Variants in TENT4B observed in about 807,000 individuals in gnomAD.
TENT4B encodes the protein PAP associated domain containing 5.
Under a neutral mutation model 75.0 loss-of-function variants are expected in TENT4B, and 10 were observed. The observed-to-expected ratio is 0.13, with a 90% CI of 0.08 to 0.23. The LOEUF is 0.23. TENT4B is among the 10% of genes least tolerant of loss of function. The pLI is 1.00. For synonymous variants in TENT4B, 350 were observed against 357.7 expected (o/e 0.98, Z 0.24); for missense variants, 579 against 893.8 (o/e 0.65, Z 4.49).
chr16:50,197,922 T>G (rs908374511), intron 1 of TENT4B, among the ~76,000 whole-genome samples: 21 of 152,126 alleles, frequency 1.4e-4, no homozygotes, highest in South Asian at 8.3e-4. Flanking sequence ...AAACTTAAAA[T>G]ATGTAAGGAG....
In TENT4B at chr16:50,231,416, C is replaced by G; in HGVS notation, c.*2088C>G. The G allele has an allele frequency of 1.0e-6, 1 of 984,442 alleles. No homozygotes were observed. The allele number at this position is 984,442 out of a possible 1,614,324, so 61.0% of individuals were successfully genotyped here. On this transcript the variant is annotated 3_prime_UTR_variant, in exon 12 of 12. Coordinates refer to ENST00000561678, the MANE Select transcript of TENT4B (RefSeq NM_001365324.3). ...AGCTGCCTATTTCAGACACTTAATACTTGCAGAGATCTATGTTACATTTAC... is the reference window on the plus strand; with the variant it reads ...AGCTGCCTATTTCAGACACTTAATAGTTGCAGAGATCTATGTTACATTTAC...
intron 1 of TENT4B, among the ~76,000 whole-genome samples, chr16:50,182,801 T>C (rs2150697907): frequency 6.6e-6 from 1 of 151,206 alleles, no homozygotes; most frequent in South Asian, 2.1e-4. Context: ...GAGATTCATG[T>C]ATGTTGCCAG....
intron 1 of TENT4B, among the ~76,000 whole-genome samples, chr16:50,201,275 G>T (rs942934164): frequency 6.6e-6 from 1 of 152,002 alleles, no homozygotes; most frequent in Non-Finnish European, 1.5e-5. Flanking sequence ...GGTGGCTCAC[G>T]CCTGTAATCC....
intron 1 of TENT4B, among the ~76,000 whole-genome samples, chr16:50,181,374 A>G (rs2038412228): frequency 6.6e-6 from 1 of 150,522 alleles, no homozygotes; most frequent in African/African-American, 2.5e-5. Context: ...GCTGGGGTGC[A>G]GTGGTGTGAT....
intron 1 of TENT4B, among the ~76,000 whole-genome samples, chr16:50,169,645 T>C (rs2038169418): frequency 6.6e-6 from 1 of 152,168 alleles, no homozygotes; most frequent in South Asian, 2.1e-4. Context: ...TTGCTTCTTA[T>C]AGGGAAAGCA....
rs1437794192 is a variant in TENT4B, at chr16:50,170,632, A to T, written c.638+16373A>T. 7.4e-4 allele frequency among the ~76,000 whole-genome samples: 113 copies of T among 152,056 alleles called. 1 individual carries two copies. The highest frequency in any genetic ancestry group is 2.6e-3 in the African/African-American group (109 of 41,504). ...TGCAGTTGTTCCTGGGGAAGTCAGT[A>T]GACAAAGCTATCTCTCAGGCCTGGG... is the stretch of plus-strand genomic sequence containing the variant. On this transcript the variant is annotated intron_variant, in intron 1 of 11. Coordinates refer to ENST00000561678, the MANE Select transcript of TENT4B (RefSeq NM_001365324.3).
rs1429836059 is a variant in TENT4B, at chr16:50,233,854, T to C, written c.*4526T>C. 2.0e-6 allele frequency: 2 copies of C among 985,338 alleles called. No homozygotes were observed. The highest frequency in any genetic ancestry group is 1.7e-5 in the African/African-American group (1 of 57,250). The allele number at this position is 985,338 out of a possible 1,614,324, so 61.0% of individuals were successfully genotyped here. A position where few individuals can be genotyped will look rare whatever the true frequency, so the allele number is the denominator to read the frequency against. On this transcript the variant is annotated 3_prime_UTR_variant, in exon 12 of 12. Coordinates refer to ENST00000561678, the MANE Select transcript of TENT4B (RefSeq NM_001365324.3). Reference sequence around the variant, plus strand: ...TTACACATTTGTGGTAGCTCCTGGATTTACTGAGAGATATTTTAGCTATGT... The same window carrying C: ...TTACACATTTGTGGTAGCTCCTGGACTTACTGAGAGATATTTTAGCTATGT...
chr16:50,164,080 C>T (rs1023351608), intron 1 of TENT4B, among the ~76,000 whole-genome samples: 1 of 151,952 alleles, frequency 6.6e-6, no homozygotes, highest in Non-Finnish European at 1.5e-5. Context: ...TCACTTGAAC[C>T]CGGCCGGTGG....
intron 2 of TENT4B, among the ~76,000 whole-genome samples, chr16:50,212,716 G>T (rs1036442754): frequency 2.0e-5 from 3 of 152,096 alleles, no homozygotes; most frequent in African/African-American, 7.2e-5. Context: ...TGGCTATTTT[G>T]TTCTCCAGGG....
intron 1 of TENT4B, among the ~76,000 whole-genome samples, chr16:50,180,761 G>C (rs891294449): frequency 2.0e-4 from 31 of 151,250 alleles, no homozygotes; most frequent in Admixed American, 6.6e-5. Context: ...GCTGCCCAAA[G>C]GCGCTATTAA....
intron 1 of TENT4B, among the ~76,000 whole-genome samples, chr16:50,173,471 T>C (rs1043715848): frequency 3.3e-5 from 5 of 152,190 alleles, no homozygotes; most frequent in African/African-American, 1.2e-4. Flanking sequence ...TTTAGTTTTG[T>C]AAGAAACTGC....
chr16:50,198,288 G>A (rs988783637), intron 1 of TENT4B, among the ~76,000 whole-genome samples: 1 of 151,702 alleles, frequency 6.6e-6, no homozygotes, highest in Non-Finnish European at 1.5e-5. Context: ...GTGTGGTGGT[G>A]AGCTCCTATA....
At chr16:50,155,516 G>A (rs2037881055) in intron 1 of TENT4B, among the ~76,000 whole-genome samples, 1 of 152,072 alleles carries the variant, frequency 6.6e-6, no homozygotes, top group Non-Finnish European at 1.5e-5. Context: ...AAAATGAGTT[G>A]GTGGGTTCCA....
At chr16:50,164,523 A>G (rs2038063292) in intron 1 of TENT4B, among the ~76,000 whole-genome samples, 1 of 150,058 alleles carries the variant, frequency 6.7e-6, no homozygotes, top group Non-Finnish European at 1.5e-5. Context: ...TGGCCAGGCT[A>G]GTCTTGAGCT....
intron 1 of TENT4B, among the ~76,000 whole-genome samples, chr16:50,189,723 C>A (rs1378970627): frequency 3.5e-5 from 5 of 141,778 alleles, no homozygotes; most frequent in South Asian, 2.2e-4. Flanking sequence ...ACATTTGCAT[C>A]AAAAAATAAC....
Position 50,211,352 on chromosome 16 carries a change from A to T in TENT4B, c.668A>T (p.Glu223Val). 6.2e-7 allele frequency: 1 copy of T among 1,606,602 alleles called. No individual in the cohort carries two copies. The highest frequency in any genetic ancestry group is 8.5e-7 in the Non-Finnish European group (1 of 1,178,160). Reference protein sequence around the residue: ...GLHEEISDFYEYMSPRPEEEK... With the variant: ...GLHEEISDFYVYMSPRPEEEK... ...CATGAAGAAATCAGTGATTTTTATG[A>T]ATACATGTCTCCAAGACCTGAGGAG... The change falls in exon 2 of 12, where the codon GAA (glutamate) becomes GTA (valine). Residue 223 changes from glutamate to valine, a missense_variant. Glu to Val is a moderately radical substitution (Grantham distance 121, BLOSUM62 -2). Transcript: ENST00000561678.
intron 1 of TENT4B, among the ~76,000 whole-genome samples, chr16:50,206,099 T>G (rs1182855421): frequency 6.6e-6 from 1 of 152,156 alleles, no homozygotes; most frequent in Non-Finnish European, 1.5e-5. Context: ...ATTTCTAAAT[T>G]TTTTAGTATC....
intron 1 of TENT4B, among the ~76,000 whole-genome samples, chr16:50,156,924 G>A (rs950075333): frequency 3.3e-5 from 5 of 151,690 alleles, no homozygotes; most frequent in Admixed American, 2.6e-4. Flanking sequence ...CTCACAGAGT[G>A]CTGGGATTAT....
rs1244554317 is a variant in TENT4B at position 50,225,219 on chromosome 16, C to T, written c.1734C>T (p.His578=). Reference sequence around the variant, plus strand: ...AAACCTCGGAATCTCTTAGTAAACACTCTTCAAACTCTTCATCAGGTCCAG... The same window carrying T: ...AAACCTCGGAATCTCTTAGTAAACATTCTTCAAACTCTTCATCAGGTCCAG... The part of the protein sequence containing the change: ...RSKTSESLSK[H]SSNSSSGPVS... Residue 578 remains histidine (H), a synonymous_variant, in exon 10 of 12, where the codon CAC becomes CAT. Transcript: ENST00000561678. 3 of 1,614,012 alleles carry T rather than the reference C, an allele frequency of 1.9e-6. No individual in the cohort carries two copies. The East Asian group carries it at 6.7e-5, about 36-fold the overall frequency.
Sources: allele counts gnomAD v4.1 joint callset (sites outside exome capture counted in the v4.1 genomes callset), GRCh38; gene constraint gnomAD v4.1.1; transcripts MANE v1.5; gene names NCBI Gene and HGNC (gene_info 2026-07-23, HGNC 2026-07-21).